ATP10A: variants seen among roughly 807,000 people sequenced by gnomAD.
ATP10A encodes the protein phospholipid-transporting ATPase VA.
In ATP10A, 111 loss-of-function variants were observed where a neutral mutation model predicts 147.8. The observed-to-expected ratio is 0.75, with a 90% CI of 0.64 to 0.88. The LOEUF (loss-of-function observed/expected upper bound fraction) is 0.88. Ranked by LOEUF, ATP10A falls within the 40% of genes least tolerant of loss-of-function variation. ATP10A has a pLI of 0.00. For synonymous variants in ATP10A, 875 were observed against 841.6 expected (o/e 1.04, Z -0.69); for missense variants, 1,927 against 1,959.0 (o/e 0.98, Z 0.31).
chr15:25,790,992 C>A (rs767433519), intron 1 of ATP10A, among the ~76,000 whole-genome samples: 4 of 151,888 alleles, frequency 2.6e-5, no homozygotes, highest in Non-Finnish European at 4.4e-5. Flanking sequence ...GAGGCTGTAA[C>A]AATTCACACT....
rs1596916420 is a variant in ATP10A at position 25,802,375 on chromosome 15, C to T, written c.450-21152G>A. On this transcript the variant is annotated intron_variant, in intron 1 of 20. Transcript: ENST00000555815. Reference sequence around the variant, plus strand: ...AACGTCCAGCAGGTTCTCTCAGGCCCGTGAGCCTCCCTGTTGTAGGCTGGG... The same window carrying T: ...AACGTCCAGCAGGTTCTCTCAGGCCTGTGAGCCTCCCTGTTGTAGGCTGGG... 2.6e-5 allele frequency among the ~76,000 whole-genome samples: 4 copies of T among 152,212 alleles called. 1 individual carries two copies. Among genetic ancestry groups the T allele is most frequent in the African/African-American group, 9.6e-5 (4 of 41,546 alleles).
intron 1 of ATP10A, among the ~76,000 whole-genome samples, chr15:25,788,105 C>G (rs893016065): frequency 3.9e-5 from 6 of 152,212 alleles, no homozygotes; most frequent in Non-Finnish European, 8.8e-5. Flanking sequence ...GGGGCCCCAG[C>G]CTGGCCACCT....
intron 2 of ATP10A, among the ~76,000 whole-genome samples, chr15:25,761,187 C>T (rs1053832302): frequency 6.6e-6 from 1 of 152,206 alleles, no homozygotes; most frequent in African/African-American, 2.4e-5. Flanking sequence ...AAAGGACACA[C>T]TGTATTATTC....
At chr15:25,794,367 C>CA (rs35644910) in intron 1 of ATP10A, among the ~76,000 whole-genome samples, 9,371 of 148,970 alleles carry the variant, frequency 0.063, 377 homozygotes, top group East Asian at 0.17. Context: ...ATATAAGAAG[C>CA]AAAAAAAAAA....
intron 2 of ATP10A, among the ~76,000 whole-genome samples, chr15:25,778,587 T>A (rs902261404): frequency 1.3e-5 from 2 of 152,104 alleles, no homozygotes; most frequent in Non-Finnish European, 2.9e-5. Context: ...TAAAACAATT[T>A]TTTAAAAACC....
chr15:25,774,583 A>G (rs1442184664), intron 2 of ATP10A, among the ~76,000 whole-genome samples: 1 of 6,190 alleles, frequency 1.6e-4, no homozygotes, highest in Non-Finnish European at 3.4e-4. Flanking sequence ...TCTCAAAAAG[A>G]AAAAAAAAAA....
At chr15:25,778,507 AC>A (rs201607239) in intron 2 of ATP10A, among the ~76,000 whole-genome samples, 12 of 151,260 alleles carry the variant, frequency 7.9e-5, no homozygotes, top group Admixed American at 2.0e-4. Flanking sequence ...AAAAAAAAAA[AC>A]CCAGAAAGTC....
intron 2 of ATP10A, among the ~76,000 whole-genome samples, chr15:25,745,868 C>G (rs1174136652): frequency 6.6e-6 from 1 of 152,056 alleles, no homozygotes; most frequent in Admixed American, 6.6e-5. Flanking sequence ...CATGTAACCA[C>G]CATATTATAG....
At chr15:25,847,667 C>G in intron 1 of ATP10A, among the ~76,000 whole-genome samples, 1 of 107,654 alleles carries the variant, frequency 9.3e-6, no homozygotes, top group South Asian at 3.3e-4. Flanking sequence ...GAGTCTCACT[C>G]TGTCACCTGG....
intron 14 of ATP10A, among the ~76,000 whole-genome samples, chr15:25,693,066 G>A (rs1021737478): frequency 6.6e-6 from 1 of 151,942 alleles, no homozygotes; most frequent in Non-Finnish European, 1.5e-5. Flanking sequence ...CTATTGCCTA[G>A]GCTGGAGTGT....
chr15:25,685,415 T>C (rs1239537016), intron 16 of ATP10A, among the ~76,000 whole-genome samples: 1 of 152,176 alleles, frequency 6.6e-6, no homozygotes, highest in African/African-American at 2.4e-5. Context: ...GGGCCTTTGT[T>C]TGCATCTGAA....
chr15:25,745,717 T>A (rs1887813263), intron 2 of ATP10A, among the ~76,000 whole-genome samples: 1 of 152,272 alleles, frequency 6.6e-6, no homozygotes, highest in African/African-American at 2.4e-5. Context: ...ACTGATACAA[T>A]TACAAAACAC....
intron 1 of ATP10A, among the ~76,000 whole-genome samples, chr15:25,834,624 A>G (rs1892513343): frequency 6.6e-6 from 1 of 152,208 alleles, no homozygotes; most frequent in South Asian, 2.1e-4. Context: ...GGACATACAC[A>G]AGAGAAATGA....
chr15:25,833,928 C>T (rs1480537594), intron 1 of ATP10A, among the ~76,000 whole-genome samples: 5 of 151,778 alleles, frequency 3.3e-5, no homozygotes, highest in African/African-American at 4.8e-5. Context: ...GCCCAGATGG[C>T]GCCACTGCAC....
At chr15:25,721,978 A>G (rs1326037141) in intron 6 of ATP10A, 69 bp from the exon 7 acceptor site, 9 of 1,495,318 alleles carry the variant, frequency 6.0e-6, no homozygotes, top group Non-Finnish European at 8.2e-6. Context: ...ACTCAAATCT[A>G]TTTAAATAAC....
chr15:25,726,192 A>G lies in ATP10A; in HGVS notation c.848-110T>C, dbSNP rs1055717247. On this transcript the variant is annotated intron_variant, in intron 4 of 20. Transcript: ENST00000555815. ...GCTGCCATTCAGTGGTGCTTAGGTG[A>G]GAAGCTTGGTCAAAAAAGCAGGGTT... is the stretch of plus-strand genomic sequence containing the variant. The G allele has an allele frequency of 3.1e-6, 4 of 1,293,126 alleles. No homozygotes were observed. The African/African-American group carries it at 5.9e-5, about 19-fold the overall frequency. 80.1% of individuals were successfully genotyped at this position (1,293,126 alleles called of 1,614,324 possible).
chr15:25,829,887 G>C (rs1159143172), intron 1 of ATP10A, among the ~76,000 whole-genome samples: 1 of 152,202 alleles, frequency 6.6e-6, no homozygotes, highest in Non-Finnish European at 1.5e-5. Context: ...CCAGGGAAGG[G>C]AAGACAGTGA....
At chr15:25,836,004 G>A (rs916141854) in intron 1 of ATP10A, among the ~76,000 whole-genome samples, 1 of 152,150 alleles carries the variant, frequency 6.6e-6, no homozygotes, top group African/African-American at 2.4e-5. Context: ...TAGTAGAGAT[G>A]GGGTTTCACC....
intron 1 of ATP10A, among the ~76,000 whole-genome samples, chr15:25,842,357 C>T (rs1014131492): frequency 1.3e-5 from 2 of 152,164 alleles, no homozygotes; most frequent in Non-Finnish European, 2.9e-5. Context: ...GGTGTTGCTA[C>T]CCCCTCATGT....
Sources: gnomAD v4.1 joint callset for allele counts (sites outside exome capture counted in the v4.1 genomes callset) on GRCh38, gnomAD v4.1.1 for gene constraint, MANE v1.5 for transcripts, NCBI Gene and HGNC (gene_info 2026-07-23, HGNC 2026-07-21) for gene names.